The following IQGAP2 variants were observed in gnomAD, a reference collection of about 807,000 sequenced individuals.
IQGAP2 encodes IQ motif containing GTPase activating protein 2, also known as ras GTPase-activating-like protein IQGAP2.
In IQGAP2, 173 loss-of-function variants were observed where a neutral mutation model predicts 201.3. That is an observed-to-expected ratio of 0.86 (90% CI 0.76 to 0.98). IQGAP2 has a LOEUF of 0.98. Among genes scored for constraint, IQGAP2 ranks in the 50% least tolerant of loss-of-function variants. The probability of loss-of-function intolerance (pLI) is 0.00; values close to 1 mark genes in which losing one functional copy is unlikely to be tolerated. For missense variants in IQGAP2, 1,687 were observed against 1,864.8 expected (o/e 0.90, Z 1.76); for synonymous variants, 675 against 673.9 (o/e 1.00, Z -0.03).
chr5:76,407,462 G>A (rs746425243), intron 1 of IQGAP2, among the ~76,000 whole-genome samples: 4 of 152,118 alleles, frequency 2.6e-5, no homozygotes, highest in African/African-American at 4.8e-5. Flanking sequence ...TGAATAAGTC[G>A]GTATTTAGCA....
chr5:76,696,047 G>A (rs1425113614), intron 32 of IQGAP2, among the ~76,000 whole-genome samples: 2 of 151,824 alleles, frequency 1.3e-5, no homozygotes, highest in Non-Finnish European at 2.9e-5. Context: ...CACCATGCTG[G>A]CCAGGCTGGT....
chr5:76,566,617 G>A (rs935435683), intron 3 of IQGAP2, among the ~76,000 whole-genome samples: 3 of 152,154 alleles, frequency 2.0e-5, no homozygotes, highest in Non-Finnish European at 2.9e-5. Flanking sequence ...TTGCGCTTCA[G>A]AAACATCAGT....
At chr5:76,437,953 C>G (rs35450692) in intron 1 of IQGAP2, among the ~76,000 whole-genome samples, 3 of 146,490 alleles carry the variant, frequency 2.0e-5, no homozygotes, top group African/African-American at 5.1e-5. Context: ...ATTTGGTTTG[C>G]TAGTATTTTG....
At chr5:76,695,805 G>A in intron 32 of IQGAP2, 139 bp downstream of exon 32, 1 of 360,972 alleles carries the variant, frequency 2.8e-6, no homozygotes, top group Middle Eastern at 8.5e-4. Flanking sequence ...CAATGCTACA[G>A]ATTTTTCAAG....
At chr5:76,598,813 A>G (rs1292348868) in intron 10 of IQGAP2, among the ~76,000 whole-genome samples, 1 of 152,254 alleles carries the variant, frequency 6.6e-6, no homozygotes, top group Non-Finnish European at 1.5e-5. Context: ...TTGCCTATAA[A>G]TTAATAACAT....
intron 1 of IQGAP2, among the ~76,000 whole-genome samples, chr5:76,415,920 G>A (rs895209234): frequency 6.7e-6 from 1 of 148,436 alleles, no homozygotes; most frequent in Non-Finnish European, 1.5e-5. Flanking sequence ...ACTCCAGCCT[G>A]GGCAACAGAG....
Position 76,511,842 on chromosome 5 carries a change from G to A in IQGAP2, c.146+50173G>A, listed in dbSNP as rs556934925. On this transcript the variant is annotated intron_variant, in intron 2 of 35. Coordinates refer to ENST00000274364, the MANE Select transcript of IQGAP2 (RefSeq NM_006633.5). ...ACTACAGGCGCCCGCCACTACGCCC[G>A]GCTAATTTTTTGTATTTTTAGTAGA... Among the ~76,000 whole-genome samples, 62 of 151,978 alleles carry A rather than the reference G, an allele frequency of 4.1e-4. 1 individual carries two copies. Among genetic ancestry groups the A allele is most frequent in the South Asian group, 1.5e-3 (7 of 4,798 alleles).
chr5:76,469,504 G>A (rs909246915), intron 2 of IQGAP2, among the ~76,000 whole-genome samples: 5 of 151,876 alleles, frequency 3.3e-5, no homozygotes, highest in Non-Finnish European at 7.4e-5. Context: ...GGGTTCAAAC[G>A]ATTATTTCTC....
chr5:76,670,743 T>C (rs1343509263), intron 23 of IQGAP2, among the ~76,000 whole-genome samples: 1 of 152,196 alleles, frequency 6.6e-6, no homozygotes, highest in Non-Finnish European at 1.5e-5. Flanking sequence ...CCATCTGACG[T>C]GGCTAGAAGC....
chr5:76,426,923 T>A (rs1360185455), intron 1 of IQGAP2, among the ~76,000 whole-genome samples: 1 of 151,740 alleles, frequency 6.6e-6, no homozygotes, highest in Non-Finnish European at 1.5e-5. Context: ...TGTGTGTGTG[T>A]GTGTGTGTGT....
intron 1 of IQGAP2, among the ~76,000 whole-genome samples, chr5:76,455,936 G>A (rs1658782039): frequency 6.6e-6 from 1 of 152,172 alleles, no homozygotes; most frequent in Non-Finnish European, 1.5e-5. Context: ...TATAACTTTG[G>A]AAGGTTCTTA....
chr5:76,604,461 A>G (rs1208188328), intron 11 of IQGAP2, among the ~76,000 whole-genome samples: 1 of 152,086 alleles, frequency 6.6e-6, no homozygotes, highest in Non-Finnish European at 1.5e-5. Context: ...GTGCCTTTAT[A>G]GTAGAATGAT....
chr5:76,687,213 T>C (rs1465356919), intron 30 of IQGAP2, among the ~76,000 whole-genome samples: 1 of 152,352 alleles, frequency 6.6e-6, no homozygotes. Flanking sequence ...GCCTTCCTCT[T>C]GGCATACTGT....
At chr5:76,415,622 T>C (rs1245994789) in intron 1 of IQGAP2, among the ~76,000 whole-genome samples, 1 of 152,196 alleles carries the variant, frequency 6.6e-6, no homozygotes, top group Non-Finnish European at 1.5e-5. Context: ...CAGGACTCTA[T>C]AGCTGTTAAA....
In IQGAP2 at chr5:76,403,521, G is replaced by T. The variant is rs757367482; in HGVS notation, c.-25G>T. The T allele has an allele frequency of 1.1e-5, 16 of 1,476,020 alleles. No individual in the cohort carries two copies. In the South Asian group the frequency reaches 1.2e-4, roughly 11 times the overall value. The allele number at this position is 1,476,020 out of a possible 1,614,324, so 91.4% of individuals were successfully genotyped here. ...AGGGTAGCCGCGGGGGGCGCGCCCC[G>T]GGCGGGCCCCCGGAGACGCGCAGGA... On this transcript the variant is annotated 5_prime_UTR_variant, in exon 1 of 36. Transcript: ENST00000274364. This position sits in a 1 kb window ranked among gnomAD's most constrained non-coding sequence, Gnocchi z 4.8.
In IQGAP2 at chr5:76,473,520, A is replaced by G. The variant is rs569537051; in HGVS notation, c.146+11851A>G. Among the ~76,000 whole-genome samples, 4 of 152,240 alleles carry G rather than the reference A, an allele frequency of 2.6e-5. No homozygotes were observed. In the South Asian group the frequency reaches 8.3e-4, roughly 32 times the overall value. On this transcript the variant is annotated intron_variant, in intron 2 of 35. Transcript: ENST00000274364. ...GCTCTCTCTTTTTTCAATTAAAATA[A>G]AATAGAGATGAGATCTCACTATGTT...
intron 2 of IQGAP2, among the ~76,000 whole-genome samples, chr5:76,549,460 C>A (rs1310922990): frequency 2.0e-5 from 3 of 151,198 alleles, no homozygotes. Flanking sequence ...ATCTAGTCTG[C>A]CAGGTAGTAA....
At chr5:76,436,662 C>T (rs1378473125) in intron 1 of IQGAP2, among the ~76,000 whole-genome samples, 1 of 148,096 alleles carries the variant, frequency 6.8e-6, no homozygotes, top group African/African-American at 2.5e-5. Flanking sequence ...TCCTGAGTAG[C>T]TAGGACTACA....
chr5:76,572,338 C>G (rs1388096376), intron 4 of IQGAP2, among the ~76,000 whole-genome samples: 1 of 151,728 alleles, frequency 6.6e-6, no homozygotes, highest in African/African-American at 2.4e-5. Flanking sequence ...TTATCACTTA[C>G]AGGCATGCAC....
Sources: gnomAD v4.1 joint callset for allele counts (sites outside exome capture counted in the v4.1 genomes callset) on GRCh38, gnomAD v4.1.1 for gene constraint, Gnocchi (gnomAD v3.1) non-coding constraint, MANE v1.5 for transcripts, NCBI Gene and HGNC (gene_info 2026-07-23, HGNC 2026-07-21) for gene names.